The following KIAA1549L variants were observed in gnomAD, a reference collection of about 807,000 sequenced individuals.
KIAA1549L encodes KIAA1549 like, also known as UPF0606 protein KIAA1549L.
In KIAA1549L, 88 loss-of-function variants were observed where a neutral mutation model predicts 160.7. That is an observed-to-expected ratio of 0.55 (90% CI 0.46 to 0.65). The LOEUF (loss-of-function observed/expected upper bound fraction) is 0.65, where lower values mean the gene tolerates loss of function less well. Among genes scored for constraint, KIAA1549L ranks in the 30% least tolerant of loss-of-function variants. The probability of loss-of-function intolerance (pLI) is 0.00; values close to 1 mark genes in which losing one functional copy is unlikely to be tolerated. For synonymous variants in KIAA1549L, 950 were observed against 976.7 expected (o/e 0.97, Z 0.51); for missense variants, 2,258 against 2,437.5 (o/e 0.93, Z 1.55).
At chr11:33,454,368 A>G (rs1851779434) in intron 1 of KIAA1549L, among the ~76,000 whole-genome samples, 1 of 152,214 alleles carries the variant, frequency 6.6e-6, no homozygotes, top group Non-Finnish European at 1.5e-5. Context: ...AAAACAAGGT[A>G]AGTAGTAAGT....
chr11:33,542,285 C>T lies in KIAA1549L; in HGVS notation c.722C>T (p.Pro241Leu). 1.5e-6 allele frequency: 1 copy of T among 649,976 alleles called. No individual in the cohort carries two copies. The highest frequency in any genetic ancestry group is 2.2e-5 in the Admixed American group (1 of 45,204). 40.3% of individuals were successfully genotyped at this position (649,976 alleles called of 1,614,324 possible). A position where few individuals can be genotyped will look rare whatever the true frequency, so the allele number is the denominator to read the frequency against. Reference sequence around the variant, plus strand: ...CATCCCCCAAGGTCAGACATTCCCCCACTCCTCCCTCTACCTCCATCCTCT... The same window carrying T: ...CATCCCCCAAGGTCAGACATTCCCCTACTCCTCCCTCTACCTCCATCCTCT... ...SKHPPRSDIPPLLPLPPSSSL... is the reference protein window; with the variant it reads ...SKHPPRSDIPLLLPLPPSSSL... The change falls in exon 2 of 21, where the codon CCA becomes CTA. Residue 241 changes from proline to leucine, a missense_variant. Pro to Leu is a moderately conservative substitution (Grantham distance 98, BLOSUM62 -3). Transcript: ENST00000658780.
At chr11:33,660,450 A>T (rs755111627) in intron 19 of KIAA1549L, among the ~76,000 whole-genome samples, 1 of 152,176 alleles carries the variant, frequency 6.6e-6, no homozygotes, top group Non-Finnish European at 1.5e-5. Context: ...TTGTAGTTCC[A>T]GTTACTCAGG....
intron 1 of KIAA1549L, among the ~76,000 whole-genome samples, chr11:33,441,180 T>A (rs2132946130): frequency 6.6e-6 from 1 of 152,090 alleles, no homozygotes; most frequent in East Asian, 1.9e-4. Flanking sequence ...GCTTGGTTTT[T>A]TGTCCTTGCG....
At chr11:33,419,522 T>A (rs573493735) in intron 1 of KIAA1549L, among the ~76,000 whole-genome samples, 1 of 152,192 alleles carries the variant, frequency 6.6e-6, no homozygotes, top group Non-Finnish European at 1.5e-5. Context: ...TAGTGCTATC[T>A]TTTTTTCTCT....
chr11:33,658,699 C>T (rs370040047), intron 18 of KIAA1549L, 51 bp from the exon 19 acceptor site: 29 of 1,545,538 alleles, frequency 1.9e-5, no homozygotes, highest in Middle Eastern at 4.4e-4. Context: ...CTGCTCGGGA[C>T]GCCGCCTGAG....
At chr11:33,567,962 T>G in intron 8 of KIAA1549L, 114 bp from the exon 9 acceptor site, 10 of 1,076,002 alleles carry the variant, frequency 9.3e-6, no homozygotes, top group African/African-American at 1.6e-5. Context: ...AGCCCTAACA[T>G]GAGGTAGGAC....
chr11:33,477,028 G>A (rs1157507716), intron 1 of KIAA1549L, among the ~76,000 whole-genome samples: 1 of 152,196 alleles, frequency 6.6e-6, no homozygotes, highest in Non-Finnish European at 1.5e-5. Context: ...CAGTAAACTG[G>A]AGCCTAGAGG....
chr11:33,543,922 G>A lies in KIAA1549L; in HGVS notation c.2359G>A (p.Val787Met), dbSNP rs1244120298. ...LVLGTSIEQP[V>M]QQSDMTMVGS... ...CCTCGGTACAAGCATTGAGCAGCCT[G>A]TGCAACAGTCAGACATGACCATGGT... The change falls in exon 2 of 21, where the codon GTG becomes ATG. Residue 787 changes from valine (V) to methionine (M), a missense_variant. Around this residue, in one of 6 missense-constraint regions of KIAA1549L, gnomAD observed 287 missense variants for 292.3 expected, o/e 0.98. Transcript: ENST00000658780. The A allele has an allele frequency of 6.2e-7, 1 of 1,614,034 alleles. No individual in the cohort carries two copies. The highest frequency in any genetic ancestry group is 1.3e-5 in the African/African-American group (1 of 75,054).
intron 1 of KIAA1549L, among the ~76,000 whole-genome samples, chr11:33,454,126 G>A (rs1000179008): frequency 6.6e-6 from 1 of 152,190 alleles, no homozygotes; most frequent in African/African-American, 2.4e-5. Flanking sequence ...TGTTACACAA[G>A]CTCTCTGCCT....
chr11:33,539,301 A>G (rs1012533132), intron 1 of KIAA1549L, among the ~76,000 whole-genome samples: 4 of 152,172 alleles, frequency 2.6e-5, no homozygotes, highest in Admixed American at 2.0e-4. Flanking sequence ...ATTTTTTACT[A>G]TATACCTCTT....
intron 1 of KIAA1549L, among the ~76,000 whole-genome samples, chr11:33,461,673 A>G (rs1239978509): frequency 6.6e-6 from 1 of 152,176 alleles, no homozygotes; most frequent in Non-Finnish European, 1.5e-5. Context: ...AATCTACCTA[A>G]ATAATAAAAT....
At chr11:33,417,826 G>C (rs2134097586) in intron 1 of KIAA1549L, among the ~76,000 whole-genome samples, 1 of 152,226 alleles carries the variant, frequency 6.6e-6, no homozygotes, top group African/African-American at 2.4e-5. Flanking sequence ...CGCCCAGGCT[G>C]GAGTGCAGTG....
At chr11:33,377,460 A>T (rs140767272) in intron 1 of KIAA1549L, among the ~76,000 whole-genome samples, 11 of 152,290 alleles carry the variant, frequency 7.2e-5, no homozygotes, top group African/African-American at 2.6e-4. Context: ...AAAAATAGTC[A>T]TGCTTGGCTT....
intron 1 of KIAA1549L, among the ~76,000 whole-genome samples, 164 bp downstream of exon 1, chr11:33,377,053 C>G (rs1452023744): frequency 6.6e-6 from 1 of 152,100 alleles, no homozygotes; most frequent in African/African-American, 2.4e-5. Flanking sequence ...CGGGAAGGCA[C>G]TTTGGGCGGG....
At chr11:33,496,572 A>G (rs1590288682) in intron 1 of KIAA1549L, among the ~76,000 whole-genome samples, 2 of 152,180 alleles carry the variant, frequency 1.3e-5, no homozygotes, top group South Asian at 4.1e-4. Flanking sequence ...CATTTCCACT[A>G]CCACTCTTCA....
rs368108893 is a variant in KIAA1549L, at chr11:33,645,705, A to G, written c.5429A>G (p.Glu1810Gly). 23 of 1,613,532 alleles carry G rather than the reference A, an allele frequency of 1.4e-5. No individual in the cohort carries two copies. In the African/African-American group the frequency reaches 3.1e-4, roughly 22 times the overall value. The change falls in exon 17 of 21, where the codon GAG becomes GGG. Residue 1810 changes from glutamate (E) to glycine (G), a missense_variant. Physicochemically the swap from Glu to Gly is moderately conservative, Grantham distance 98 (BLOSUM62 -2). Transcript: ENST00000658780. Reference sequence around the variant, plus strand: ...CCACAGACTGAGCCTGAAATCATAGAGGAAACCAACATTGACAGAGTTCCT... The same window carrying G: ...CCACAGACTGAGCCTGAAATCATAGGGGAAACCAACATTGACAGAGTTCCT... Reference protein sequence around the residue: ...SGYDTEPEIIEETNIDRVPEP... With the variant: ...SGYDTEPEIIGETNIDRVPEP...
chr11:33,646,136 T>G, intron 17 of KIAA1549L, 100 bp downstream of exon 17: 1 of 912,698 alleles, frequency 1.1e-6, no homozygotes, highest in Non-Finnish European at 1.7e-6. Context: ...TAAAAAGCTT[T>G]GGGATCTGGA....
chr11:33,621,666 A>G (rs1439377357), intron 16 of KIAA1549L, among the ~76,000 whole-genome samples: 1 of 152,224 alleles, frequency 6.6e-6, no homozygotes, highest in Non-Finnish European at 1.5e-5. Flanking sequence ...AGGAAAAGAA[A>G]AAAAAAATGC....
intron 6 of KIAA1549L, among the ~76,000 whole-genome samples, chr11:33,558,509 A>G (rs527461382): frequency 1.3e-5 from 2 of 152,250 alleles, no homozygotes; most frequent in South Asian, 4.2e-4. Flanking sequence ...GGGGCACCGG[A>G]CAGGGCAGAG....
Sources: allele counts gnomAD v4.1 joint callset (sites outside exome capture counted in the v4.1 genomes callset), GRCh38; gene constraint gnomAD v4.1.1; regional missense constraint gnomAD v4.1.1; transcripts MANE v1.5; gene names NCBI Gene and HGNC (gene_info 2026-07-23, HGNC 2026-07-21).